Variants in SCARA3 observed in about 807,000 individuals in gnomAD.
SCARA3 encodes scavenger receptor class A member 3, also known as cellular stress response gene protein.
SCARA3 carries 39 observed loss-of-function variants against 47.0 expected under a neutral mutation model. The ratio of observed to expected loss-of-function variants is 0.83; its 90% confidence interval spans 0.64 to 1.08. The LOEUF is 1.08. Among genes scored for constraint, SCARA3 ranks in the 50% least tolerant of loss-of-function variants. The pLI is 0.00. For missense variants in SCARA3, 724 were observed against 792.3 expected (o/e 0.91, Z 1.04); for synonymous variants, 356 against 334.1 (o/e 1.07, Z -0.71).
chr8:27,730,078 G>A, the SCARA3 span, among the ~76,000 whole-genome samples: 2 of 152,130 alleles, frequency 1.3e-5, no homozygotes, highest in South Asian at 4.1e-4. Flanking sequence ...CCACCCCCTC[G>A]CACCTGCAGA....
chr8:27,672,197 C>T lies in SCARA3; in HGVS notation c.*846C>T, dbSNP rs1802182692. 4 of 985,328 alleles carry T rather than the reference C, an allele frequency of 4.1e-6. No individual in the cohort carries two copies. The highest frequency in any genetic ancestry group is 1.2e-4 in the Admixed American group (2 of 16,272). The allele number at this position is 985,328 out of a possible 1,614,324, so 61.0% of individuals were successfully genotyped here. ...ACATTCTCTGGCCTTGCACACAGTGCCCCCTGAGAAGTTCAACATTTATTT... is the reference window on the plus strand; with the variant it reads ...ACATTCTCTGGCCTTGCACACAGTGTCCCCTGAGAAGTTCAACATTTATTT... On this transcript the variant is annotated 3_prime_UTR_variant, in exon 6 of 6. Coordinates refer to ENST00000301904, the MANE Select transcript of SCARA3 (RefSeq NM_016240.3).
chr8:27,647,427 G>A (rs529703037), intron 1 of SCARA3, among the ~76,000 whole-genome samples: 11 of 152,200 alleles, frequency 7.2e-5, no homozygotes, highest in Non-Finnish European at 1.3e-4. Context: ...GTGGACCCTT[G>A]AAAGCTCCCC....
downstream of SCARA3, among the ~76,000 whole-genome samples, chr8:27,673,284 A>G (rs890910661): frequency 1.3e-5 from 2 of 152,246 alleles, no homozygotes; most frequent in African/African-American, 4.8e-5. Context: ...CTCTTTGGCT[A>G]AAACAAGATT....
chr8:27,687,781 C>T, the SCARA3 span, among the ~76,000 whole-genome samples: 1 of 151,588 alleles, frequency 6.6e-6, no homozygotes, highest in Non-Finnish European at 1.5e-5. Context: ...CTTTGGGAGG[C>T]CAAGGCAGGT....
chr8:27,663,909 G>T (rs1278444095), intron 5 of SCARA3, among the ~76,000 whole-genome samples: 1 of 152,156 alleles, frequency 6.6e-6, no homozygotes, highest in African/African-American at 2.4e-5. Context: ...AGGTCACTTG[G>T]CAAATGACTA....
At chr8:27,711,825 C>G in the SCARA3 span, among the ~76,000 whole-genome samples, 1 of 152,040 alleles carries the variant, frequency 6.6e-6, no homozygotes, top group Non-Finnish European at 1.5e-5. Flanking sequence ...TACTCCCTGC[C>G]CCGACATATG....
intron 5 of SCARA3, among the ~76,000 whole-genome samples, chr8:27,660,459 G>T (rs560822922): frequency 6.6e-6 from 1 of 151,744 alleles, no homozygotes. Context: ...AATCAATAGT[G>T]TATAGAGATA....
At chr8:27,679,684 A>T (rs137928453), downstream of SCARA3, among the ~76,000 whole-genome samples, 2,404 of 152,358 alleles carry the variant, frequency 0.016, 39 homozygotes, top group Middle Eastern at 0.041. Context: ...TCAAGGGCAC[A>T]TCAGATATTA....
chr8:27,665,314 C>A (rs34429095), intron 5 of SCARA3, among the ~76,000 whole-genome samples: 5 of 152,202 alleles, frequency 3.3e-5, no homozygotes, highest in African/African-American at 7.2e-5. Flanking sequence ...CTAATTAATT[C>A]TAAGCCCCCA....
At position 27,658,549 on chromosome 8, in the gene SCARA3, C is replaced by A. The variant is rs757525897; in HGVS notation, c.379C>A (p.Pro127Thr). The change falls in exon 5 of 6, where the codon CCA becomes ACA. Residue 127 changes from proline to threonine, a missense_variant. Pro to Thr is a conservative substitution (Grantham distance 38). Coordinates refer to ENST00000301904, the MANE Select transcript of SCARA3 (RefSeq NM_016240.3). ...CTGCCATGAAGCTGGGCAGCTGGGGCCAGAGATCCGAAAACTGCAGGAGGA... is the reference window on the plus strand; with the variant it reads ...CTGCCATGAAGCTGGGCAGCTGGGGACAGAGATCCGAAAACTGCAGGAGGA... ...SFCHEAGQLG[P>T]EIRKLQEELE... The A allele has an allele frequency of 6.2e-7, 1 of 1,613,638 alleles. No homozygotes were observed. Among genetic ancestry groups the A allele is most frequent in the Non-Finnish European group, 8.5e-7 (1 of 1,179,834 alleles).
intron 1 of SCARA3, among the ~76,000 whole-genome samples, chr8:27,637,180 GC>G: frequency 6.6e-6 from 1 of 152,338 alleles, no homozygotes; most frequent in East Asian, 1.9e-4. Flanking sequence ...TGCCAGCCAA[GC>G]CATTTCCACC....
At chr8:27,685,752 G>A in the SCARA3 span, among the ~76,000 whole-genome samples, 938 of 152,206 alleles carry the variant, frequency 6.2e-3, 13 homozygotes, top group African/African-American at 0.022. Flanking sequence ...AAAAAAGAAA[G>A]AAAACAAAAG....
intron 1 of SCARA3, among the ~76,000 whole-genome samples, chr8:27,638,650 C>T (rs751698374): frequency 8.5e-5 from 13 of 152,206 alleles, no homozygotes; most frequent in South Asian, 4.2e-4. Flanking sequence ...AGCGATGGGG[C>T]GACTGCCAGG....
Position 27,659,193 on chromosome 8 carries a change from G to T in SCARA3, c.1023G>T (p.Glu341Asp), listed in dbSNP as rs1313154207. Residue 341 changes from glutamate to aspartate, a missense_variant, in exon 5 of 6, where the codon GAG becomes GAT. Transcript: ENST00000301904. ...HTHYAQNRTVERFESLEGRMA... is the reference protein window; with the variant it reads ...HTHYAQNRTVDRFESLEGRMA... ...ACTACGCCCAGAACCGCACTGTGGA[G>T]AGGTTTGAGTCTCTGGAAGGACGCA... 1 of 1,614,190 alleles carries T rather than the reference G, an allele frequency of 6.2e-7. No individual in the cohort carries two copies. The highest frequency in any genetic ancestry group is 2.2e-5 in the East Asian group (1 of 44,882).
the SCARA3 span, among the ~76,000 whole-genome samples, chr8:27,722,652 T>C: frequency 6.6e-6 from 1 of 152,280 alleles, no homozygotes; most frequent in South Asian, 2.1e-4. Flanking sequence ...TCCCCAGCCT[T>C]ATCACTGCAA....
the SCARA3 span, among the ~76,000 whole-genome samples, chr8:27,728,094 A>T: frequency 1.3e-5 from 2 of 152,252 alleles, no homozygotes; most frequent in Admixed American, 6.5e-5. Context: ...CAGTGGTAGC[A>T]GCTGGCCAAA....
rs771810459 is a variant in SCARA3 at position 27,671,736 on chromosome 8, G to T, written c.*385G>T. 12 of 1,026,332 alleles carry T rather than the reference G, an allele frequency of 1.2e-5. No individual in the cohort carries two copies. Among genetic ancestry groups the T allele is most frequent in the South Asian group, 4.6e-5 (1 of 21,730 alleles). The allele number at this position is 1,026,332 out of a possible 1,614,324, so 63.6% of individuals were successfully genotyped here. A position where few individuals can be genotyped will look rare whatever the true frequency, so the allele number is the denominator to read the frequency against. ...CACACATACACATGCACACACACAT[G>T]CACACATATATGCACAGGCACACAC... is the stretch of plus-strand genomic sequence containing the variant. On this transcript the variant is annotated 3_prime_UTR_variant, in exon 6 of 6. Coordinates refer to ENST00000301904, the MANE Select transcript of SCARA3 (RefSeq NM_016240.3).
the SCARA3 span, among the ~76,000 whole-genome samples, chr8:27,699,227 G>T: frequency 9.9e-3 from 1,432 of 144,286 alleles, 20 homozygotes; most frequent in African/African-American, 0.033. Flanking sequence ...CTGGGTGACA[G>T]AGCAAGACTC....
chr8:27,676,504 A>G, downstream of SCARA3: 1 of 1,590,422 alleles, frequency 6.3e-7, no homozygotes. Context: ...GTCCAACGAA[A>G]TCCCCTGAAG....
Sources: allele counts gnomAD v4.1 joint callset (sites outside exome capture counted in the v4.1 genomes callset), GRCh38; gene constraint gnomAD v4.1.1; transcripts MANE v1.5; gene names NCBI Gene and HGNC (gene_info 2026-07-23, HGNC 2026-07-21).